ADAMTS16: variants seen among roughly 807,000 people sequenced by gnomAD.
ADAMTS16 encodes the protein ADAM metallopeptidase with thrombospondin type 1 motif 16, also known as A disintegrin and metalloproteinase with thrombospondin motifs 16.
A neutral mutation model predicts 145.8 loss-of-function variants in ADAMTS16; 94 were observed. The ratio of observed to expected loss-of-function variants is 0.64; its 90% CI spans 0.55 to 0.77. The LOEUF (loss-of-function observed/expected upper bound fraction) is 0.77. Ranked by LOEUF, ADAMTS16 falls within the 30% of genes least tolerant of loss-of-function variation. The pLI is 0.00. For missense variants in ADAMTS16, 1,585 were observed against 1,591.5 expected (o/e 1.00, Z 0.07); for synonymous variants, 659 against 604.3 (o/e 1.09, Z -1.33).
chr5:5,264,444 G>T (rs892711795), intron 18 of ADAMTS16, among the ~76,000 whole-genome samples: 1 of 152,132 alleles, frequency 6.6e-6, no homozygotes, highest in African/African-American at 2.4e-5. Flanking sequence ...ACAGTAGCTG[G>T]CAAATTGATC....
intron 11 of ADAMTS16, among the ~76,000 whole-genome samples, chr5:5,231,425 A>G (rs1736919204): frequency 7.5e-6 from 1 of 133,334 alleles, no homozygotes; most frequent in African/African-American, 2.6e-5. Context: ...TCCTCCTATG[A>G]AAGTAGCCTT....
Position 5,303,622 on chromosome 5 carries a change from G to C in ADAMTS16, c.3042G>C (p.Lys1014Asn). ...KGWRKRAVAC[K>N]STNPSARAQL... is the part of the protein sequence containing the mutation. ...GGAGGAAGCGGGCAGTGGCCTGTAA[G>C]AGCACCAACCCCTCGGCCAGAGCGC... is the stretch of plus-strand genomic sequence containing the variant. Residue 1014 changes from lysine (K) to asparagine (N), a missense_variant, in exon 20 of 23, where the codon AAG becomes AAC. By Grantham distance (94) the Lys-to-Asn change is moderately conservative (BLOSUM62 0). Around this residue, in one of 3 missense-constraint regions of ADAMTS16, gnomAD observed 834 missense variants for 811.7 expected, o/e 1.03. Coordinates refer to ENST00000274181, the MANE Select transcript of ADAMTS16 (RefSeq NM_139056.4). 6.2e-7 allele frequency: 1 copy of C among 1,614,156 alleles called. No individual in the cohort carries two copies. The highest frequency in any genetic ancestry group is 1.3e-5 in the African/African-American group (1 of 75,070).
At chr5:5,263,788 C>T (rs1037265733) in intron 18 of ADAMTS16, among the ~76,000 whole-genome samples, 7 of 152,190 alleles carry the variant, frequency 4.6e-5, no homozygotes, top group African/African-American at 7.2e-5. Flanking sequence ...TCAGTCAGCC[C>T]CTGACCCTGT....
chr5:5,225,592 A>C (rs1380329101), intron 11 of ADAMTS16, among the ~76,000 whole-genome samples: 1 of 143,808 alleles, frequency 7.0e-6, no homozygotes, highest in Non-Finnish European at 1.5e-5. Context: ...ACAGAAGGAG[A>C]CTTGGTTTCA....
At chr5:5,156,389 A>G (rs867109055) in intron 3 of ADAMTS16, among the ~76,000 whole-genome samples, 2 of 152,188 alleles carry the variant, frequency 1.3e-5, no homozygotes, top group South Asian at 4.1e-4. Flanking sequence ...CAATGGAGGA[A>G]CAAGACTTCT....
chr5:5,190,155 G>C (rs764789462), intron 7 of ADAMTS16, 25 bp downstream of exon 7: 5 of 1,550,088 alleles, frequency 3.2e-6, no homozygotes, highest in Non-Finnish European at 4.4e-6. Context: ...CAGAGTGTGA[G>C]GACCGTGTGT....
chr5:5,156,405 C>T lies in ADAMTS16; in HGVS notation c.501+9950C>T, dbSNP rs368357288. ...AATGGAGGAACAAGACTTCTGTTGC[C>T]TTACAAAAATCATCTGCACAAACAC... On this transcript the variant is annotated intron_variant, in intron 3 of 22. Coordinates refer to ENST00000274181, the MANE Select transcript of ADAMTS16 (RefSeq NM_139056.4). Among the ~76,000 whole-genome samples the T allele has an allele frequency of 2.6e-5, 4 of 152,248 alleles. No individual in the cohort carries two copies. In the South Asian group the frequency reaches 6.2e-4, roughly 24 times the overall value.
At chr5:5,280,793 T>C (rs1165801057) in intron 18 of ADAMTS16, among the ~76,000 whole-genome samples, 1 of 152,218 alleles carries the variant, frequency 6.6e-6, no homozygotes, top group Non-Finnish European at 1.5e-5. Context: ...GATATAAGCC[T>C]ATAATTAAAT....
intron 4 of ADAMTS16, 62 bp downstream of exon 4, chr5:5,182,367 A>G: frequency 6.4e-7 from 1 of 1,553,924 alleles, no homozygotes; most frequent in East Asian, 2.3e-5. Context: ...AGCTGATGGA[A>G]GCTTGTACAT....
chr5:5,199,646 G>T (rs1735902932), intron 8 of ADAMTS16, among the ~76,000 whole-genome samples: 1 of 152,174 alleles, frequency 6.6e-6, no homozygotes, highest in African/African-American at 2.4e-5. Flanking sequence ...TTCTCAAATT[G>T]CAGTAAGCAT....
intron 14 of ADAMTS16, among the ~76,000 whole-genome samples, chr5:5,238,502 A>ATAAAAT: frequency 6.6e-6 from 1 of 152,214 alleles, no homozygotes; most frequent in East Asian, 1.9e-4. Flanking sequence ...TATTACCTTT[A>ATAAAAT]TAAAATTAAA....
At chr5:5,202,161 A>G (rs1379778375) in intron 9 of ADAMTS16, among the ~76,000 whole-genome samples, 1 of 151,992 alleles carries the variant, frequency 6.6e-6, no homozygotes, top group African/African-American at 2.4e-5. Flanking sequence ...CCATCTTCCC[A>G]GCCAGGATTT....
intron 3 of ADAMTS16, among the ~76,000 whole-genome samples, chr5:5,178,375 C>T (rs1168468411): frequency 6.6e-6 from 1 of 152,220 alleles, no homozygotes; most frequent in Non-Finnish European, 1.5e-5. Flanking sequence ...CTGTGAGCTA[C>T]AGGCAGGTTC....
intron 3 of ADAMTS16, among the ~76,000 whole-genome samples, chr5:5,165,742 T>C (rs1414294230): frequency 1.3e-5 from 2 of 152,150 alleles, no homozygotes; most frequent in Non-Finnish European, 2.9e-5. Flanking sequence ...CCAGAGGGAA[T>C]GGAGCCATGG....
intron 10 of ADAMTS16, among the ~76,000 whole-genome samples, chr5:5,212,827 G>T (rs914703228): frequency 6.6e-6 from 1 of 151,906 alleles, no homozygotes; most frequent in Non-Finnish European, 1.5e-5. Context: ...TTTACTATTT[G>T]TTTTCTATTA....
At chr5:5,302,127 C>CG (rs1372124891) in intron 18 of ADAMTS16, among the ~76,000 whole-genome samples, 1 of 152,106 alleles carries the variant, frequency 6.6e-6, no homozygotes, top group Non-Finnish European at 1.5e-5. Context: ...GGGTGCACAC[C>CG]AAGCCCTCCT....
chr5:5,315,411 A>G (rs1207443935), intron 21 of ADAMTS16, among the ~76,000 whole-genome samples: 2 of 151,656 alleles, frequency 1.3e-5, no homozygotes, highest in Non-Finnish European at 2.9e-5. Context: ...AAAATGAATC[A>G]AACCACATAT....
In ADAMTS16 at chr5:5,267,594, C is replaced by T. The variant is rs116698257; in HGVS notation, c.2789+4811C>T. On this transcript the variant is annotated intron_variant, in intron 18 of 22. Transcript: ENST00000274181. The stretch of plus-strand genomic sequence containing the variant: ...GGTGCCTGTCAGCGTGCCCCTCTGC[C>T]GATGTGTTTCTCTCGATGTCAAATC... 3.3e-3 allele frequency among the ~76,000 whole-genome samples: 497 copies of T among 152,236 alleles called. 3 individuals are homozygous for T. Among genetic ancestry groups the T allele is most frequent in the African/African-American group, 0.011 (471 of 41,540 alleles).
intron 18 of ADAMTS16, among the ~76,000 whole-genome samples, chr5:5,265,500 G>A (rs1738206580): frequency 6.6e-6 from 1 of 152,214 alleles, no homozygotes; most frequent in Non-Finnish European, 1.5e-5. Flanking sequence ...GGTCCTATCT[G>A]CAGGTGTCAG....
Sources: gnomAD v4.1 joint callset for allele counts (sites outside exome capture counted in the v4.1 genomes callset) on GRCh38, gnomAD v4.1.1 for gene constraint, gnomAD v4.1.1 regional missense constraint, MANE v1.5 for transcripts, NCBI Gene and HGNC (gene_info 2026-07-23, HGNC 2026-07-21) for gene names.